FAM13A: variants seen among roughly 807,000 people sequenced by gnomAD.
FAM13A encodes the protein family with sequence similarity 13 member A, also known as protein FAM13A.
Under a neutral mutation model 129.6 loss-of-function variants are expected in FAM13A, and 76 were observed. The ratio of observed to expected loss-of-function variants is 0.59; its 90% CI spans 0.49 to 0.71. The LOEUF (loss-of-function observed/expected upper bound fraction) is 0.71. Ranked by LOEUF, FAM13A falls within the 30% of genes least tolerant of loss-of-function variation. The probability of loss-of-function intolerance (pLI) is 0.00; values close to 1 mark genes in which losing one functional copy is unlikely to be tolerated. For synonymous variants in FAM13A, 443 were observed against 449.9 expected (o/e 0.98, Z 0.20); for missense variants, 1,108 against 1,249.3 (o/e 0.89, Z 1.70).
intron 7 of FAM13A, among the ~76,000 whole-genome samples, chr4:88,827,857 C>T (rs192998119): frequency 6.4e-4 from 97 of 152,308 alleles, no homozygotes; most frequent in African/African-American, 2.1e-3. Flanking sequence ...ACTTCAATAG[C>T]TCCCAACTAC....
intron 21 of FAM13A, among the ~76,000 whole-genome samples, chr4:88,733,093 T>C (rs1396729052): frequency 2.0e-5 from 3 of 152,152 alleles, no homozygotes; most frequent in Non-Finnish European, 4.4e-5. Flanking sequence ...AAAAATGGTA[T>C]GCATAGCACC....
chr4:88,904,174 G>A (rs1446874890), intron 6 of FAM13A, among the ~76,000 whole-genome samples: 1 of 152,150 alleles, frequency 6.6e-6, no homozygotes, highest in African/African-American at 2.4e-5. Flanking sequence ...TGGTGGAAGT[G>A]TAAATTAGTT....
In FAM13A at chr4:88,949,477, A is replaced by C. The variant is rs973318105; in HGVS notation, c.606-11236T>G. On this transcript the variant is annotated intron_variant, in intron 4 of 23. Coordinates refer to ENST00000264344, the MANE Select transcript of FAM13A (RefSeq NM_014883.4). ...GAAAAAAAAATCTATTATTGAAAGC[A>C]ATCACTTGAGGCCAGGTTTAACAAC... Among the ~76,000 whole-genome samples, 4 of 152,334 alleles carry C rather than the reference A, an allele frequency of 2.6e-5. No individual in the cohort carries two copies. The East Asian group carries it at 7.7e-4, about 29-fold the overall frequency.
At chr4:88,759,594 C>T (rs948890970) in intron 13 of FAM13A, 8 of 152,072 alleles carry the variant, frequency 5.3e-5, no homozygotes, top group South Asian at 2.1e-4. Context: ...CAAAATTACA[C>T]AGGGAGCAAT....
chr4:88,980,836 G>A (rs979147164), intron 4 of FAM13A, among the ~76,000 whole-genome samples: 3 of 152,236 alleles, frequency 2.0e-5, no homozygotes, highest in East Asian at 3.9e-4. Flanking sequence ...CATCATGTTC[G>A]TGTCTACAAA....
At chr4:88,856,371 C>T (rs1016599314) in intron 6 of FAM13A, among the ~76,000 whole-genome samples, 1 of 151,972 alleles carries the variant, frequency 6.6e-6, no homozygotes, top group Non-Finnish European at 1.5e-5. Flanking sequence ...GTAGTCCCAA[C>T]TACTTGGGAA....
chr4:88,989,799 T>C (rs1171351144), intron 4 of FAM13A: 1 of 152,158 alleles, frequency 6.6e-6, no homozygotes, highest in African/African-American at 2.4e-5. Flanking sequence ...TATGGATCTG[T>C]GTTTAATGCT....
chr4:88,793,194 A>T (rs562161854), intron 8 of FAM13A, among the ~76,000 whole-genome samples: 1 of 152,124 alleles, frequency 6.6e-6, no homozygotes, highest in Non-Finnish European at 1.5e-5. Flanking sequence ...AATGATTTTT[A>T]AATACTGTAA....
At chr4:88,942,515 C>T (rs145913813) in intron 4 of FAM13A, among the ~76,000 whole-genome samples, 4,516 of 151,412 alleles carry the variant, frequency 0.03, 97 homozygotes, top group Non-Finnish European at 0.037. Flanking sequence ...TGCAGTGAGC[C>T]GAGATCACGC....
At chr4:88,788,521 A>G (rs1724447052) in intron 9 of FAM13A, among the ~76,000 whole-genome samples, 1 of 152,180 alleles carries the variant, frequency 6.6e-6, no homozygotes, top group African/African-American at 2.4e-5. Context: ...GATGTTTATA[A>G]TTAAAGCTGT....
At chr4:88,987,138 G>C (rs1244630226) in intron 4 of FAM13A, among the ~76,000 whole-genome samples, 1 of 151,996 alleles carries the variant, frequency 6.6e-6, no homozygotes. Flanking sequence ...GCCAAATTTG[G>C]GATAATTTGA....
intron 8 of FAM13A, among the ~76,000 whole-genome samples, chr4:88,803,518 A>G (rs1413105795): frequency 6.6e-6 from 1 of 151,342 alleles, no homozygotes; most frequent in Non-Finnish European, 1.5e-5. Flanking sequence ...TATACTATGT[A>G]AAACTAAATT....
At chr4:88,944,264 A>C (rs1208451013) in intron 4 of FAM13A, among the ~76,000 whole-genome samples, 11 of 152,026 alleles carry the variant, frequency 7.2e-5, no homozygotes. Flanking sequence ...AAGTGGGAGG[A>C]CCTCTTGAGC....
At chr4:88,903,326 T>C (rs1031007770) in intron 6 of FAM13A, among the ~76,000 whole-genome samples, 5 of 152,192 alleles carry the variant, frequency 3.3e-5, no homozygotes. Context: ...GGTATCATGC[T>C]ACCTGACTTC....
intron 15 of FAM13A, 56 bp from the exon 16 acceptor site, chr4:88,749,965 A>G: frequency 6.3e-7 from 1 of 1,596,102 alleles, no homozygotes; most frequent in Admixed American, 1.7e-5. Flanking sequence ...GCTTGCCTAG[A>G]GGGGCCCTGG....
intron 5 of FAM13A, among the ~76,000 whole-genome samples, chr4:88,923,321 G>A (rs1282638854): frequency 1.3e-5 from 2 of 152,142 alleles, no homozygotes; most frequent in Admixed American, 1.3e-4. Context: ...CTGGCAAACC[G>A]AATTCAGCAG....
intron 6 of FAM13A, among the ~76,000 whole-genome samples, chr4:88,872,717 T>G (rs1376922221): frequency 6.6e-6 from 1 of 152,162 alleles, no homozygotes; most frequent in African/African-American, 2.4e-5. Flanking sequence ...CTGTCAATAT[T>G]AGACAGATCA....
chr4:88,815,050 T>C (rs6818353), intron 7 of FAM13A, among the ~76,000 whole-genome samples: 76,782 of 151,720 alleles, frequency 0.51, 19,675 homozygotes, highest in East Asian at 0.66. Flanking sequence ...ACTATGTTGC[T>C]CAGGCTGGTC....
intron 4 of FAM13A, among the ~76,000 whole-genome samples, chr4:88,945,891 ATG>A (rs1211117338): frequency 3.9e-5 from 5 of 127,740 alleles, no homozygotes; most frequent in Non-Finnish European, 8.1e-5. Flanking sequence ...TATGTATTCT[ATG>A]TGTGTATATA....
Sources: allele counts gnomAD v4.1 joint callset (sites outside exome capture counted in the v4.1 genomes callset), GRCh38; gene constraint gnomAD v4.1.1; transcripts MANE v1.5; gene names NCBI Gene and HGNC (gene_info 2026-07-23, HGNC 2026-07-21).